The following CELF4 variants were observed in gnomAD, a reference collection of about 807,000 sequenced individuals.
CELF4 encodes the protein CUGBP Elav-like family member 4.
A neutral mutation model predicts 59.9 loss-of-function variants in CELF4; 18 were observed. That is an observed-to-expected ratio of 0.30 (90% confidence interval 0.21 to 0.45). The LOEUF is 0.45. Ranked by LOEUF, CELF4 falls within the 20% of genes least tolerant of loss-of-function variation. The pLI, the probability that CELF4 is intolerant of heterozygous loss-of-function variation, is 1.00. For synonymous variants in CELF4, 261 were observed against 267.1 expected, an observed-to-expected ratio of 0.98 and a Z score of 0.22; for missense variants, 456 against 689.0, an observed-to-expected ratio of 0.66 and a Z score of 3.79.
intron 3 of CELF4, among the ~76,000 whole-genome samples, chr18:37,298,130 G>A (rs891741403): frequency 6.6e-6 from 1 of 152,220 alleles, no homozygotes; most frequent in Non-Finnish European, 1.5e-5. Context: ...CAGGAGGCTG[G>A]GGTCTCAACC....
At chr18:37,300,086 G>A (rs996297425) in intron 3 of CELF4, among the ~76,000 whole-genome samples, 6 of 152,160 alleles carry the variant, frequency 3.9e-5, no homozygotes, top group African/African-American at 1.4e-4. Flanking sequence ...TTAAAGGTGG[G>A]GTCTTCCGCC....
intron 8 of CELF4, among the ~76,000 whole-genome samples, chr18:37,269,630 G>T (rs1370685057): frequency 6.6e-6 from 1 of 152,168 alleles, no homozygotes; most frequent in Non-Finnish European, 1.5e-5. Flanking sequence ...CCAAAGGAGG[G>T]TGTTCCCTGT....
At chr18:37,269,815 C>T (rs917721367) in intron 8 of CELF4, among the ~76,000 whole-genome samples, 3 of 152,222 alleles carry the variant, frequency 2.0e-5, no homozygotes, top group African/African-American at 7.2e-5. Flanking sequence ...CATATTGTCT[C>T]ATCATTCTGC....
chr18:37,452,839 T>A (rs1043501554), intron 2 of CELF4, among the ~76,000 whole-genome samples: 1 of 152,130 alleles, frequency 6.6e-6, no homozygotes, highest in African/African-American at 2.4e-5. Flanking sequence ...CATAGCCACA[T>A]CTCTGGCTGA....
chr18:37,338,781 T>TGTGTGA (rs2097875069), intron 2 of CELF4, among the ~76,000 whole-genome samples: 1 of 151,712 alleles, frequency 6.6e-6, no homozygotes, highest in East Asian at 1.9e-4. Context: ...TGTGTGTGTG[T>TGTGTGA]GTGTGTGTGT....
chr18:37,532,634 T>TAAAA (rs764638359), intron 1 of CELF4, among the ~76,000 whole-genome samples: 1 of 142,780 alleles, frequency 7.0e-6, no homozygotes. Flanking sequence ...AGTAGAAAAT[T>TAAAA]AAAAAAAAAA....
At chr18:37,265,115 G>C (rs1454449454) in intron 9 of CELF4, among the ~76,000 whole-genome samples, 1 of 150,844 alleles carries the variant, frequency 6.6e-6, no homozygotes, top group Non-Finnish European at 1.5e-5. Flanking sequence ...GTGTGTGGGT[G>C]TGTGTGTACA....
chr18:37,381,024 C>G (rs910830993), intron 2 of CELF4, among the ~76,000 whole-genome samples: 7 of 151,206 alleles, frequency 4.6e-5, no homozygotes, highest in Non-Finnish European at 1.0e-4. Context: ...CTATCCATTC[C>G]TCTATCATCC....
chr18:37,395,373 C>T (rs1195617006), intron 2 of CELF4, among the ~76,000 whole-genome samples: 2 of 152,186 alleles, frequency 1.3e-5, no homozygotes, highest in East Asian at 1.9e-4. Flanking sequence ...CACGTTCCCT[C>T]CTCTCCCTTC....
At chr18:37,417,912 C>T (rs2099542425) in intron 2 of CELF4, among the ~76,000 whole-genome samples, 1 of 152,180 alleles carries the variant, frequency 6.6e-6, no homozygotes, top group Admixed American at 6.5e-5. Context: ...TGATTGATAG[C>T]TTATGGGTCT....
intron 1 of CELF4, among the ~76,000 whole-genome samples, chr18:37,529,351 T>C (rs138108839): frequency 7.2e-4 from 110 of 152,294 alleles, no homozygotes; most frequent in East Asian, 1.5e-3. Flanking sequence ...ATCTGTCCAG[T>C]GCTCTGACCC....
intron 2 of CELF4, among the ~76,000 whole-genome samples, chr18:37,351,857 C>T (rs1375475112): frequency 6.6e-6 from 1 of 152,094 alleles, no homozygotes; most frequent in Non-Finnish European, 1.5e-5. Context: ...CTCAAGTGAT[C>T]TGCCCACCAC....
At position 37,491,235 on chromosome 18, in the gene CELF4, G is replaced by A. The variant is rs551460781; in HGVS notation, c.287-5628C>T. On this transcript the variant is annotated intron_variant, in intron 1 of 12. Coordinates refer to ENST00000420428, the MANE Select transcript of CELF4 (RefSeq NM_020180.4). Reference sequence around the variant, plus strand: ...CCGTGCCCACCTCCTCTCCTCACCCGAGAGGACGCCGTGCCCACCTCCTCT... The same window carrying A: ...CCGTGCCCACCTCCTCTCCTCACCCAAGAGGACGCCGTGCCCACCTCCTCT... Among the ~76,000 whole-genome samples the A allele has an allele frequency of 1.2e-3, 178 of 149,564 alleles. 2 individuals carry two copies. The highest frequency in any genetic ancestry group is 4.0e-3 in the African/African-American group (162 of 40,592).
At chr18:37,561,555 C>T (rs1443843912) in intron 1 of CELF4, among the ~76,000 whole-genome samples, 1 of 152,166 alleles carries the variant, frequency 6.6e-6, no homozygotes, top group Non-Finnish European at 1.5e-5. Flanking sequence ...CTAGACAGGA[C>T]CAAAGTTATG....
chr18:37,319,080 C>T (rs956757202), intron 3 of CELF4, among the ~76,000 whole-genome samples: 1 of 152,240 alleles, frequency 6.6e-6, no homozygotes, highest in East Asian at 1.9e-4. Context: ...ACTATCCCAG[C>T]TTTCCTGCCC....
intron 2 of CELF4, among the ~76,000 whole-genome samples, chr18:37,408,497 G>GGA (rs1569568993): frequency 9.9e-5 from 8 of 80,456 alleles, no homozygotes; most frequent in African/African-American, 2.6e-4. Flanking sequence ...GGTGCCGGGG[G>GGA]GGGGCGCGGT....
intron 3 of CELF4, among the ~76,000 whole-genome samples, chr18:37,287,204 A>G (rs2094877347): frequency 6.6e-6 from 1 of 152,066 alleles, no homozygotes; most frequent in African/African-American, 2.4e-5. Flanking sequence ...AAAGCTTCTC[A>G]GGTGATACCA....
At chr18:37,475,499 T>C (rs1166370617) in intron 2 of CELF4, among the ~76,000 whole-genome samples, 1 of 152,208 alleles carries the variant, frequency 6.6e-6, no homozygotes, top group Non-Finnish European at 1.5e-5. Context: ...GCGAGATCAG[T>C]GTTGGTTAGA....
At chr18:37,547,498 G>C (rs539686392) in intron 1 of CELF4, among the ~76,000 whole-genome samples, 2 of 152,274 alleles carry the variant, frequency 1.3e-5, no homozygotes, top group East Asian at 3.9e-4. Context: ...CTGGGGCTGG[G>C]TGGCTCTTGG....
Sources: allele counts gnomAD v4.1 joint callset (sites outside exome capture counted in the v4.1 genomes callset), GRCh38; gene constraint gnomAD v4.1.1; transcripts MANE v1.5; gene names NCBI Gene and HGNC (gene_info 2026-07-23, HGNC 2026-07-21).